MKLN1: variants seen among roughly 807,000 people sequenced by gnomAD.
MKLN1 encodes the protein muskelin 1.
A neutral mutation model predicts 99.0 loss-of-function variants in MKLN1; 18 were observed. The ratio of observed to expected loss-of-function variants is 0.18; its 90% confidence interval spans 0.13 to 0.27. The LOEUF (loss-of-function observed/expected upper bound fraction) is 0.27. MKLN1 is among the 10% of genes least tolerant of loss of function. MKLN1 has a pLI of 1.00. For synonymous variants in MKLN1, 288 were observed against 293.2 expected (o/e 0.98, Z 0.18); for missense variants, 621 against 875.9 (o/e 0.71, Z 3.67).
chr7:131,163,132 C>T (rs1050681044), intron 2 of MKLN1, among the ~76,000 whole-genome samples: 1 of 152,210 alleles, frequency 6.6e-6, no homozygotes, highest in Admixed American at 6.5e-5. Flanking sequence ...AATTCTTACC[C>T]ATTGCTCTAG....
At chr7:131,203,469 C>A (rs956918362) in intron 3 of MKLN1, among the ~76,000 whole-genome samples, 3 of 152,052 alleles carry the variant, frequency 2.0e-5, no homozygotes, top group Non-Finnish European at 4.4e-5. Context: ...TTTTGTGCTG[C>A]GGTGACTTCT....
intron 2 of MKLN1, among the ~76,000 whole-genome samples, chr7:131,173,226 C>T (rs529797491): frequency 6.6e-6 from 1 of 151,932 alleles, no homozygotes; most frequent in African/African-American, 2.4e-5. Context: ...GACGAAGTAC[C>T]TGACGTACAA....
chr7:131,429,106 G>C lies in MKLN1; in HGVS notation c.921G>C (p.Glu307Asp). The C allele has an allele frequency of 6.2e-7, 1 of 1,613,720 alleles. No individual in the cohort carries two copies. Among genetic ancestry groups the C allele is most frequent in the South Asian group, 1.1e-5 (1 of 91,044 alleles). ...ACTTCTGGGCGTACAGTGTGAAGGA[G>C]AACCAGTGGACATGTATCTCTAGAG... ...LADFWAYSVK[E>D]NQWTCISRDT... The change falls in exon 9 of 18, where the codon GAG becomes GAC. Residue 307 changes from glutamate (E) to aspartate (D), a missense_variant. Glu to Asp is a conservative substitution (Grantham distance 45, BLOSUM62 2). Around this residue, in one of 8 missense-constraint regions of MKLN1, gnomAD observed 361 missense variants for 540.8 expected, o/e 0.67. Coordinates refer to ENST00000352689, the MANE Select transcript of MKLN1 (RefSeq NM_013255.5).
rs142594940 is a variant in MKLN1 at position 131,347,647 on chromosome 7, G to A, written c.98+19650G>A. Among the ~76,000 whole-genome samples, 237 of 152,212 alleles carry A rather than the reference G, an allele frequency of 1.6e-3. 1 individual carries two copies. The highest frequency in any genetic ancestry group is 5.2e-3 in the African/African-American group (218 of 41,540). ...AGACAAAAAGAGTGAATTTAGAGGT[G>A]AGAGTCAATAAATCCATAATTGGCT... On this transcript the variant is annotated intron_variant, in intron 1 of 17. Transcript: ENST00000352689.
chr7:131,377,617 A>G (rs1336877015), intron 2 of MKLN1, among the ~76,000 whole-genome samples: 1 of 152,196 alleles, frequency 6.6e-6, no homozygotes, highest in Non-Finnish European at 1.5e-5. Flanking sequence ...AACTGAAACT[A>G]TGATAACCTT....
intron 3 of MKLN1, among the ~76,000 whole-genome samples, chr7:131,247,235 C>CTTTTTTTTTTTTTTTTTTTTTTTTTTTTT (rs72068521): frequency 2.1e-5 from 3 of 141,146 alleles, no homozygotes; most frequent in African/African-American, 2.6e-5. Flanking sequence ...TTTCTTTTTT[C>CTTTTTTTTTTTTTTTTTTTTTTTTTTTTT]TTTTTTTTTT....
chr7:131,328,884 T>A (rs879026145), intron 1 of MKLN1, among the ~76,000 whole-genome samples: 1 of 152,190 alleles, frequency 6.6e-6, no homozygotes, highest in Admixed American at 6.5e-5. Flanking sequence ...TCTTACATAG[T>A]ATCTTATTTA....
rs979141485 is a variant in MKLN1, at chr7:131,349,238, C to T, written c.98+21241C>T. Among the ~76,000 whole-genome samples the T allele has an allele frequency of 7.9e-5, 12 of 152,006 alleles. No homozygotes were observed. The East Asian group carries it at 2.1e-3, about 27-fold the overall frequency. ...TGAGACAGAGTCTTGCTCTGTTGCC[C>T]AGGCTGGAGTACAGTGGCACGATCT... On this transcript the variant is annotated intron_variant, in intron 1 of 17. Transcript: ENST00000352689.
chr7:131,335,415 G>A lies in MKLN1; in HGVS notation c.98+7418G>A, dbSNP rs961060847. 3.3e-5 allele frequency among the ~76,000 whole-genome samples: 5 copies of A among 152,180 alleles called. No homozygotes were observed. The East Asian group carries it at 5.8e-4, about 18-fold the overall frequency. ...ATACAAAGAGAAAGGAAATATCATAGTCATTATCTAGGAATAATTTAAGTA... is the reference window on the plus strand; with the variant it reads ...ATACAAAGAGAAAGGAAATATCATAATCATTATCTAGGAATAATTTAAGTA... On this transcript the variant is annotated intron_variant, in intron 1 of 17. Coordinates refer to ENST00000352689, the MANE Select transcript of MKLN1 (RefSeq NM_013255.5).
At chr7:131,202,646 AG>A (rs1168027908) in intron 2 of MKLN1, among the ~76,000 whole-genome samples, 2 of 152,184 alleles carry the variant, frequency 1.3e-5, no homozygotes, top group Admixed American at 1.3e-4. Flanking sequence ...AGATGCCAGT[AG>A]TACCTCCACT....
intron 3 of MKLN1, among the ~76,000 whole-genome samples, chr7:131,224,362 A>G (rs1173423659): frequency 6.6e-6 from 1 of 152,124 alleles, no homozygotes; most frequent in Non-Finnish European, 1.5e-5. Context: ...CCTGGCCAAC[A>G]TGGCGAAACC....
At chr7:131,458,310 G>A (rs577522512) in intron 12 of MKLN1, among the ~76,000 whole-genome samples, 7 of 152,300 alleles carry the variant, frequency 4.6e-5, no homozygotes, top group African/African-American at 1.2e-4. Context: ...CACATTTGCC[G>A]TATAGATACC....
intron 16 of MKLN1, among the ~76,000 whole-genome samples, chr7:131,477,591 A>G (rs1456350400): frequency 6.6e-6 from 1 of 152,196 alleles, no homozygotes; most frequent in Non-Finnish European, 1.5e-5. Context: ...CAGAATGTAT[A>G]AAGAACTTCT....
At chr7:131,301,822 C>T (rs1011746417) in intron 3 of MKLN1, among the ~76,000 whole-genome samples, 1 of 152,138 alleles carries the variant, frequency 6.6e-6, no homozygotes, top group Admixed American at 6.5e-5. Flanking sequence ...CTTATTTAAC[C>T]TGCCCATCAC....
Position 131,463,356 on chromosome 7 carries a change from G to A in MKLN1, c.1665G>A (p.Arg555=), listed in dbSNP as rs1159343806. The change falls in exon 13 of 18, where the codon AGG becomes AGA. Residue 555 remains arginine, a synonymous_variant. Coordinates refer to ENST00000352689, the MANE Select transcript of MKLN1 (RefSeq NM_013255.5). ...CATTCTGGATTTATGACATTGTGAG[G>A]AATAGTTGGTAAGGAACTCTTGTCT... is the stretch of plus-strand genomic sequence containing the variant. ...RNSFWIYDIV[R]NSWSCVYKND... 1.4e-5 allele frequency: 23 copies of A among 1,610,794 alleles called. No individual in the cohort carries two copies. Among genetic ancestry groups the A allele is most frequent in the Non-Finnish European group, 1.9e-5 (22 of 1,178,948 alleles).
At chr7:131,355,628 CTATATATA>C (rs58377694) in intron 1 of MKLN1, among the ~76,000 whole-genome samples, 23 of 136,828 alleles carry the variant, frequency 1.7e-4, no homozygotes, top group African/African-American at 2.3e-4. Context: ...TAACTTGATA[CTATATATA>C]TATATATATA....
At position 131,425,104 on chromosome 7, in the gene MKLN1, T is replaced by C. The variant is rs186777007; in HGVS notation, c.848-3929T>C. Among the ~76,000 whole-genome samples the C allele has an allele frequency of 5.5e-4, 84 of 152,330 alleles. 2 individuals carry two copies. Among genetic ancestry groups the C allele is most frequent in the African/African-American group, 1.9e-3 (78 of 41,568 alleles). On this transcript the variant is annotated intron_variant, in intron 8 of 17. Coordinates refer to ENST00000352689, the MANE Select transcript of MKLN1 (RefSeq NM_013255.5). The stretch of plus-strand genomic sequence containing the variant: ...CACAGCAGCTTTATGGGATAGATAC[T>C]GTATCACATCTTAGAGATTAAGAAA...
intron 2 of MKLN1, among the ~76,000 whole-genome samples, chr7:131,194,018 T>TC: frequency 6.7e-6 from 1 of 150,276 alleles, no homozygotes; most frequent in Non-Finnish European, 1.5e-5. Flanking sequence ...TTTTTTTTTT[T>TC]TTCCAGAAAC....
At chr7:131,420,095 C>G (rs1034861678) in intron 8 of MKLN1, among the ~76,000 whole-genome samples, 1 of 151,532 alleles carries the variant, frequency 6.6e-6, no homozygotes, top group Non-Finnish European at 1.5e-5. Flanking sequence ...TGCTAAATGA[C>G]GAGTTGATGG....
Sources: allele counts gnomAD v4.1 joint callset (sites outside exome capture counted in the v4.1 genomes callset), GRCh38; gene constraint gnomAD v4.1.1; regional missense constraint gnomAD v4.1.1; transcripts MANE v1.5; gene names NCBI Gene and HGNC (gene_info 2026-07-23, HGNC 2026-07-21).